The following ERCC1 variants were observed in gnomAD, a reference collection of about 807,000 sequenced individuals.
ERCC1 encodes DNA excision repair protein ERCC-1.
A neutral mutation model predicts 37.6 loss-of-function variants in ERCC1; 36 were observed. That is an observed-to-expected ratio of 0.96 (90% CI 0.73 to 1.26). The LOEUF is 1.26. Ranked by LOEUF, ERCC1 falls within the 50% of genes most tolerant of loss-of-function variation. The probability of loss-of-function intolerance (pLI) is 0.00; values close to 1 mark genes in which losing one functional copy is unlikely to be tolerated. For synonymous variants in ERCC1, 156 were observed against 162.1 expected (o/e 0.96, Z 0.28); for missense variants, 349 against 376.5 (o/e 0.93, Z 0.60).
At chr19:45,423,241 C>T in intron 2 of ERCC1, 29 bp downstream of exon 2, 2 of 1,599,100 alleles carry the variant, frequency 1.3e-6, no homozygotes, top group South Asian at 1.1e-5. Flanking sequence ...CCCCCAGCCT[C>T]CCAGGGGCCC....
rs372435532 is a variant in ERCC1, at chr19:45,416,849, C to T, written c.574G>A (p.Ala192Thr). The change falls in exon 6 of 10, where the codon GCC becomes ACC. Residue 192 changes from alanine to threonine, a missense_variant. Physicochemically the swap from Ala to Thr is moderately conservative, Grantham distance 58 (BLOSUM62 0). Transcript: ENST00000300853. ...LKELAKMCIL[A>T]DCTLILAWSP... is the part of the protein sequence containing the mutation. The stretch of plus-strand genomic sequence containing the variant: ...CAGGCGAGGATCAATGTGCAGTCGG[C>T]CAGGATACACATCTTAGCCAGCTCC... The T allele has an allele frequency of 1.9e-5, 30 of 1,613,518 alleles. No homozygotes were observed. Among genetic ancestry groups the T allele is most frequent in the Non-Finnish European group, 2.3e-5 (27 of 1,179,722 alleles).
At chr19:45,424,998 C>T (rs946401292), upstream of ERCC1, among the ~76,000 whole-genome samples, 10 of 147,294 alleles carry the variant, frequency 6.8e-5, no homozygotes, top group African/African-American at 2.6e-4. Flanking sequence ...TCTCAGTTCA[C>T]TGCACCTCCC....
Position 45,408,383 on chromosome 19 carries a change from C to A in ERCC1, c.*1292G>T, listed in dbSNP as rs1218538552. ...GCAGCCCATCCCAGCAAGTCCCCCA[C>A]CACAGATCCCTCCTGGCCTGAGGCC... On this transcript the variant is annotated 3_prime_UTR_variant, in exon 10 of 10. Coordinates refer to ENST00000300853, the MANE Select transcript of ERCC1 (RefSeq NM_001983.4). The A allele has an allele frequency of 2.5e-6, 4 of 1,610,844 alleles. No individual in the cohort carries two copies. Among genetic ancestry groups the A allele is most frequent in the Admixed American group, 3.3e-5 (2 of 59,874 alleles).
intron 5 of ERCC1, among the ~76,000 whole-genome samples, 187 bp from the exon 6 acceptor site, chr19:45,417,084 G>A (rs1391655792): frequency 1.3e-5 from 2 of 151,796 alleles, no homozygotes; most frequent in Admixed American, 1.3e-4. Flanking sequence ...GCGACAGGGT[G>A]AGACTCTGTC....
chr19:45,444,365 C>G (rs1457110717), intron 1 of ERCC1, among the ~76,000 whole-genome samples: 1 of 150,800 alleles, frequency 6.6e-6, no homozygotes. Flanking sequence ...CGCTCCCACG[C>G]CCGGCGCGGG....
At chr19:45,439,951 G>T (rs961420054) in intron 1 of ERCC1, among the ~76,000 whole-genome samples, 3 of 152,150 alleles carry the variant, frequency 2.0e-5, no homozygotes, top group Non-Finnish European at 4.4e-5. Context: ...GCCGCGCTCC[G>T]AGCCGAGCCC....
In ERCC1 at chr19:45,409,013, C is replaced by A; in HGVS notation, c.*662G>T. 6.2e-7 allele frequency: 1 copy of A among 1,614,056 alleles called. No individual in the cohort carries two copies. The highest frequency in any genetic ancestry group is 8.5e-7 in the Non-Finnish European group (1 of 1,180,014). ...GGAGCCAGGGACGGAGGCGATGGAG[C>A]CAGTGGAGCCGGAGATGAAGCCTCT... On this transcript the variant is annotated 3_prime_UTR_variant, in exon 10 of 10. Transcript: ENST00000300853.
chr19:45,416,267 G>C (rs1017003788), intron 6 of ERCC1, among the ~76,000 whole-genome samples: 41 of 152,272 alleles, frequency 2.7e-4, no homozygotes, highest in African/African-American at 9.4e-4. Context: ...AGGGAAGTCA[G>C]CACACAAAGT....
chr19:45,423,480 G>A lies in ERCC1; in HGVS notation c.-7-99C>T, dbSNP rs923736301. On this transcript the variant is annotated intron_variant, in intron 1 of 9. Coordinates refer to ENST00000300853, the MANE Select transcript of ERCC1 (RefSeq NM_001983.4). ...TCACAGCCGTCCCCCACAAAACTCCGAGAGCTCCATAGCGTCAGGTCCCCA... is the reference window on the plus strand; with the variant it reads ...TCACAGCCGTCCCCCACAAAACTCCAAGAGCTCCATAGCGTCAGGTCCCCA... 6.0e-6 allele frequency: 9 copies of A among 1,510,136 alleles called. No homozygotes were observed. In the South Asian group the frequency reaches 6.2e-5, roughly 10 times the overall value. 93.5% of individuals were successfully genotyped at this position (1,510,136 alleles called of 1,614,324 possible).
At position 45,409,050 on chromosome 19, in the gene ERCC1, G is replaced by T; in HGVS notation, c.*625C>A. The T allele has an allele frequency of 1.9e-6, 3 of 1,613,726 alleles. No homozygotes were observed. The highest frequency in any genetic ancestry group is 1.1e-5 in the South Asian group (1 of 91,064). On this transcript the variant is annotated 3_prime_UTR_variant, in exon 10 of 10. Coordinates refer to ENST00000300853, the MANE Select transcript of ERCC1 (RefSeq NM_001983.4). ...GAGATGAAGCCTCTGGAGTCCCCAGGGGGGACCATGGCGCCTCAACAGCCA... is the reference window on the plus strand; with the variant it reads ...GAGATGAAGCCTCTGGAGTCCCCAGTGGGGACCATGGCGCCTCAACAGCCA...
Position 45,409,294 on chromosome 19 carries a change from G to A in ERCC1, c.*381C>T. 1 of 1,614,074 alleles carries A rather than the reference G, an allele frequency of 6.2e-7. No homozygotes were observed. The highest frequency in any genetic ancestry group is 8.5e-7 in the Non-Finnish European group (1 of 1,180,016). ...TGACTGAGCCAATTCAGCCACTAGA[G>A]CCTGAACTGCCAGGGGAGGGACAGC... On this transcript the variant is annotated 3_prime_UTR_variant, in exon 10 of 10. Coordinates refer to ENST00000300853, the MANE Select transcript of ERCC1 (RefSeq NM_001983.4).
rs1555785082 is a variant in ERCC1, at chr19:45,409,505, G to A, written c.*170C>T. On this transcript the variant is annotated 3_prime_UTR_variant, in exon 10 of 10. Transcript: ENST00000300853. ...GCAGCAGCAGCAGCCTGTGTAGTCTGCCCCCGGGAAACTGAGGAACTAAAG... is the reference window on the plus strand; with the variant it reads ...GCAGCAGCAGCAGCCTGTGTAGTCTACCCCCGGGAAACTGAGGAACTAAAG... 1 of 1,601,038 alleles carries A rather than the reference G, an allele frequency of 6.2e-7. No homozygotes were observed. Among genetic ancestry groups the A allele is most frequent in the South Asian group, 1.1e-5 (1 of 89,700 alleles).
At chr19:45,437,667 C>G (rs577406884) in intron 1 of ERCC1, among the ~76,000 whole-genome samples, 1 of 152,206 alleles carries the variant, frequency 6.6e-6, no homozygotes, top group African/African-American at 2.4e-5. Flanking sequence ...CTCATAGAAA[C>G]AGTATAAAGG....
chr19:45,421,425 G>A, intron 2 of ERCC1, 32 bp from the exon 3 acceptor site: 1 of 1,533,022 alleles, frequency 6.5e-7, no homozygotes, highest in Non-Finnish European at 8.9e-7. Context: ...GCAGGGGACT[G>A]GTTGGGGTGA....
In ERCC1 at chr19:45,442,208, C is replaced by T. The variant is rs1975138305; in HGVS notation, c.-7-18827G>A. Among the ~76,000 whole-genome samples the T allele has an allele frequency of 2.0e-5, 3 of 150,568 alleles. No homozygotes were observed. The South Asian group carries it at 6.3e-4, about 32-fold the overall frequency. On this transcript the variant is annotated intron_variant, in intron 1 of 8. Transcript: ENST00000423698. Reference sequence around the variant, plus strand: ...GCATGCACCTGTGGTCCCACCTACTCAGGAGGCTGAGGTGGGTGGGAGGAT... The same window carrying T: ...GCATGCACCTGTGGTCCCACCTACTTAGGAGGCTGAGGTGGGTGGGAGGAT...
chr19:45,419,299 T>C, intron 4 of ERCC1, 102 bp from the exon 5 acceptor site: 2 of 842,778 alleles, frequency 2.4e-6, no homozygotes, highest in Non-Finnish European at 4.0e-6. Context: ...GAGTACGGCA[T>C]GGGGGACAGA....
chr19:45,414,085 C>G (rs541220669), intron 7 of ERCC1, 51 bp from the exon 8 acceptor site: 1 of 1,497,334 alleles, frequency 6.7e-7, no homozygotes, highest in Non-Finnish European at 9.3e-7. Context: ...GCCAGCAAGA[C>G]TGAGCCTAGG....
upstream of ERCC1, chr19:45,424,125 G>A (rs1974608560): frequency 1.0e-6 from 1 of 955,464 alleles, no homozygotes; most frequent in African/African-American, 1.7e-5. Flanking sequence ...AGAACAGATC[G>A]CAGGAGATCC....
upstream of ERCC1, among the ~76,000 whole-genome samples, chr19:45,428,596 C>A (rs182349362): frequency 6.6e-6 from 1 of 152,232 alleles, no homozygotes; most frequent in African/African-American, 2.4e-5. Context: ...CCCAAACCTT[C>A]CCCTCCTCTC....
Sources: gnomAD v4.1 joint callset for allele counts (sites outside exome capture counted in the v4.1 genomes callset) on GRCh38, gnomAD v4.1.1 for gene constraint, MANE v1.5 for transcripts, NCBI Gene and HGNC (gene_info 2026-07-23, HGNC 2026-07-21) for gene names.